ZFC3H1: variants seen among roughly 807,000 people sequenced by gnomAD.
The protein encoded by ZFC3H1 is zinc finger C3H1-type containing.
In ZFC3H1, 71 loss-of-function variants were observed where a neutral mutation model predicts 243.7. The observed-to-expected ratio is 0.29, with a 90% CI of 0.24 to 0.36. The LOEUF (loss-of-function observed/expected upper bound fraction) is 0.36. Ranked by LOEUF, ZFC3H1 falls within the 10% of genes least tolerant of loss-of-function variation. The pLI is 1.00. For missense variants in ZFC3H1, 1,966 were observed against 2,317.1 expected (o/e 0.85, Z 3.11); for synonymous variants, 838 against 813.0 (o/e 1.03, Z -0.52).
chr12:71,654,260 T>C (rs981031886), intron 2 of ZFC3H1, among the ~76,000 whole-genome samples: 38 of 152,028 alleles, frequency 2.5e-4, no homozygotes, highest in African/African-American at 9.2e-4. Flanking sequence ...GACAACATAC[T>C]GAGACCCCGT....
intron 16 of ZFC3H1, 132 bp downstream of exon 16, chr12:71,631,646 T>C: frequency 1.3e-6 from 1 of 759,436 alleles, no homozygotes; most frequent in Non-Finnish European, 2.0e-6. Flanking sequence ...TTTATGTTCC[T>C]TAAAAGGGTA....
intron 27 of ZFC3H1, among the ~76,000 whole-genome samples, chr12:71,616,329 A>C (rs1046432748): frequency 6.6e-6 from 1 of 152,164 alleles, no homozygotes; most frequent in African/African-American, 2.4e-5. Context: ...TTATATCTGA[A>C]AGTAATCTCT....
At chr12:71,632,727 TA>T (rs1460747497) in intron 14 of ZFC3H1, among the ~76,000 whole-genome samples, 158 bp downstream of exon 14, 1 of 152,176 alleles carries the variant, frequency 6.6e-6, no homozygotes, top group Non-Finnish European at 1.5e-5. Context: ...AATAATAAAG[TA>T]GACATCCAAA....
chr12:71,610,204 C>G lies in ZFC3H1; in HGVS notation c.*224G>C. The G allele has an allele frequency of 2.3e-6, 1 of 432,872 alleles. No homozygotes were observed. Among genetic ancestry groups the G allele is most frequent in the Non-Finnish European group, 4.1e-6 (1 of 243,942 alleles). 26.8% of individuals were successfully genotyped at this position (432,872 alleles called of 1,614,324 possible). Reference sequence around the variant, plus strand: ...CGTATATGATGTTATGAGAATCTGGCAGGGCCTAGAAGCAGGCCAAACAGG... The same window carrying G: ...CGTATATGATGTTATGAGAATCTGGGAGGGCCTAGAAGCAGGCCAAACAGG... On this transcript the variant is annotated 3_prime_UTR_variant, in exon 35 of 35. Coordinates refer to ENST00000378743, the MANE Select transcript of ZFC3H1 (RefSeq NM_144982.5).
intron 2 of ZFC3H1, among the ~76,000 whole-genome samples, chr12:71,654,768 A>G (rs1295227919): frequency 6.6e-6 from 1 of 152,230 alleles, no homozygotes; most frequent in African/African-American, 2.4e-5. Flanking sequence ...CTAAAGGACA[A>G]AGATTGTCAT....
chr12:71,651,400 G>T (rs1880883412), intron 2 of ZFC3H1, among the ~76,000 whole-genome samples: 1 of 152,048 alleles, frequency 6.6e-6, no homozygotes, highest in Admixed American at 6.6e-5. Flanking sequence ...TTTCATAACA[G>T]TTAATTTACA....
rs758453957 is a variant in ZFC3H1, at chr12:71,632,296, G to A, written c.3036C>T (p.Pro1012=). ...TATCTTGTGTCAGATCATGAAGTGA[G>A]GGTTGAGGTAAAGAAAATTCGGGTT... ...EEEPEFSLPQ[P]SLHDLTQDKL... is the part of the protein sequence containing the mutation. The change falls in exon 15 of 35, where the codon CCC becomes CCT. Residue 1012 remains proline (P), a synonymous_variant. Coordinates refer to ENST00000378743, the MANE Select transcript of ZFC3H1 (RefSeq NM_144982.5). The A allele has an allele frequency of 6.2e-7, 1 of 1,613,870 alleles. No individual in the cohort carries two copies. The highest frequency in any genetic ancestry group is 8.5e-7 in the Non-Finnish European group (1 of 1,179,866).
intron 11 of ZFC3H1, 116 bp from the exon 12 acceptor site, chr12:71,634,420 TG>T: frequency 8.0e-7 from 1 of 1,252,684 alleles, no homozygotes; most frequent in Non-Finnish European, 1.1e-6. Context: ...ATAATAAAGA[TG>T]ATGACCAATA....
intron 21 of ZFC3H1, among the ~76,000 whole-genome samples, chr12:71,627,404 T>C (rs1404991704): frequency 1.3e-5 from 2 of 152,236 alleles, no homozygotes; most frequent in African/African-American, 2.4e-5. Flanking sequence ...TTTATCATAA[T>C]TTTATTAACA....
At chr12:71,616,700 TA>T (rs1236227898) in intron 27 of ZFC3H1, among the ~76,000 whole-genome samples, 4 of 152,188 alleles carry the variant, frequency 2.6e-5, no homozygotes, top group Non-Finnish European at 5.9e-5. Flanking sequence ...CTATTTATCT[TA>T]AATTTTTAAA....
chr12:71,635,391 T>C, intron 10 of ZFC3H1, 52 bp downstream of exon 10: 2 of 1,534,204 alleles, frequency 1.3e-6, no homozygotes, highest in South Asian at 1.3e-5. Context: ...AAATAAACTT[T>C]ACTGATCATC....
chr12:71,611,813 A>G lies in ZFC3H1; in HGVS notation c.5702T>C (p.Ile1901Thr), dbSNP rs781478703. 5 of 1,610,174 alleles carry G rather than the reference A, an allele frequency of 3.1e-6. No individual in the cohort carries two copies. In the African/African-American group the frequency reaches 4.0e-5, roughly 13 times the overall value. ...KLQAKMFTYN[I>T]PTCLATWKIA... Reference sequence around the variant, plus strand: ...TTTCCAGGTGGCCAGGCATGTTGGGATATTATATGTAAACATCTTGGCTTG... The same window carrying G: ...TTTCCAGGTGGCCAGGCATGTTGGGGTATTATATGTAAACATCTTGGCTTG... Residue 1901 changes from isoleucine (I) to threonine (T), a missense_variant, in exon 32 of 35, where the codon ATC becomes ACC. By Grantham distance (89) the Ile-to-Thr change is moderately conservative (BLOSUM62 -1). This residue lies in a region of ZFC3H1 where 1,383 missense variants were observed against 1,723.7 expected (regional missense o/e 0.80). Transcript: ENST00000378743.
chr12:71,633,301 T>C lies in ZFC3H1; in HGVS notation c.2648A>G (p.Asn883Ser). 2 of 1,594,252 alleles carry C rather than the reference T, an allele frequency of 1.3e-6. No individual in the cohort carries two copies. The highest frequency in any genetic ancestry group is 1.8e-4 in the Middle Eastern group (1 of 5,586). Residue 883 changes from asparagine (N) to serine (S), a missense_variant, in exon 13 of 35, where the codon AAT (asparagine) becomes AGT (serine). Physicochemically the swap from Asn to Ser is conservative, Grantham distance 46. Coordinates refer to ENST00000378743, the MANE Select transcript of ZFC3H1 (RefSeq NM_144982.5). Reference sequence around the variant, plus strand: ...CTTCTTCAAAAACATTCTGTTAACATTAAGAATTTTTTCAGTTGCTTGAAG... The same window carrying C: ...CTTCTTCAAAAACATTCTGTTAACACTAAGAATTTTTTCAGTTGCTTGAAG... The part of the protein sequence containing the change: ...EQLQATEKIL[N>S]VNRMFLKKLQ...
intron 5 of ZFC3H1, among the ~76,000 whole-genome samples, chr12:71,643,269 C>T (rs994007799): frequency 2.0e-5 from 3 of 151,920 alleles, no homozygotes; most frequent in Non-Finnish European, 4.4e-5. Flanking sequence ...AAAAATTAGC[C>T]AGGCATGGTG....
intron 24 of ZFC3H1, among the ~76,000 whole-genome samples, chr12:71,620,683 G>A (rs1326214593): frequency 2.0e-5 from 3 of 151,482 alleles, no homozygotes; most frequent in African/African-American, 7.3e-5. Flanking sequence ...ATCTTTCCCT[G>A]ACCACTGCAA....
Position 71,659,344 on chromosome 12 carries a change from G to A in ZFC3H1, c.599-2043C>T, listed in dbSNP as rs145226841. On this transcript the variant is annotated intron_variant, in intron 1 of 34. Transcript: ENST00000378743. Reference sequence around the variant, plus strand: ...AAAATCCTGAGAATAAATATAATCTGACCTGTGCTTTCCTTTCCAAACTTA... The same window carrying A: ...AAAATCCTGAGAATAAATATAATCTAACCTGTGCTTTCCTTTCCAAACTTA... 9.9e-4 allele frequency among the ~76,000 whole-genome samples: 150 copies of A among 152,254 alleles called. No individual in the cohort carries two copies. The Middle Eastern group carries it at 0.01, about 10-fold the overall frequency.
chr12:71,633,462 T>C, intron 12 of ZFC3H1, 24 bp from the exon 13 acceptor site: 4 of 1,516,734 alleles, frequency 2.6e-6, no homozygotes, highest in Non-Finnish European at 3.5e-6. Context: ...AACAAAATTC[T>C]TGTTAATGTT....
chr12:71,620,221 T>C lies in ZFC3H1; in HGVS notation c.4839A>G (p.Gln1613=), dbSNP rs373542915. 1.2e-5 allele frequency: 20 copies of C among 1,614,096 alleles called. No individual in the cohort carries two copies. The East Asian group carries it at 1.8e-4, about 14-fold the overall frequency. Residue 1613 remains glutamine, a synonymous_variant, in exon 25 of 35, where the codon CAA becomes CAG. Transcript: ENST00000378743. ...PLYTNMIALH[Q]LLERYEAAME... ...CAATTAAGTTGTACCTCTCCAGGAGTTGGTGCAGAGCAATCATGTTTGTGT... is the reference window on the plus strand; with the variant it reads ...CAATTAAGTTGTACCTCTCCAGGAGCTGGTGCAGAGCAATCATGTTTGTGT...
Position 71,611,993 on chromosome 12 carries a change from C to T in ZFC3H1, c.5628-106G>A, listed in dbSNP as rs144278140. Reference sequence around the variant, plus strand: ...AGTATAAATTTTGATTAGTTAAATTCCATCAAGACTACCCAGCAAATATTT... The same window carrying T: ...AGTATAAATTTTGATTAGTTAAATTTCATCAAGACTACCCAGCAAATATTT... On this transcript the variant is annotated intron_variant, in intron 31 of 34. Coordinates refer to ENST00000378743, the MANE Select transcript of ZFC3H1 (RefSeq NM_144982.5). 1.5e-5 allele frequency: 9 copies of T among 594,380 alleles called. No homozygotes were observed. The African/African-American group carries it at 1.7e-4, about 11-fold the overall frequency. The allele number at this position is 594,380 out of a possible 1,614,324, so 36.8% of individuals were successfully genotyped here.
Sources: allele counts gnomAD v4.1 joint callset (sites outside exome capture counted in the v4.1 genomes callset), GRCh38; gene constraint gnomAD v4.1.1; regional missense constraint gnomAD v4.1.1; transcripts MANE v1.5; gene names NCBI Gene and HGNC (gene_info 2026-07-23, HGNC 2026-07-21).